The following KMT2A variants were observed in gnomAD, a reference collection of about 807,000 sequenced individuals.
The protein encoded by KMT2A is histone-lysine N-methyltransferase 2A.
A neutral mutation model predicts 345.3 loss-of-function variants in KMT2A; 16 were observed. That is an observed-to-expected ratio of 0.05 (90% CI 0.03 to 0.07). The LOEUF is 0.07. Ranked by LOEUF, KMT2A falls within the 10% of genes least tolerant of loss-of-function variation. The pLI is 1.00. For synonymous variants in KMT2A, 1,599 were observed against 1,778.6 expected (o/e 0.90, Z 2.54); for missense variants, 3,272 against 4,841.6 (o/e 0.68, Z 9.62).
chr11:118,436,635 C>T lies in KMT2A; in HGVS notation c.123C>T (p.Pro41=). ...AACGCGTCCCGGCCCTGCTGCTTCC[C>T]CCCGGGCCCCCGGTCGGCGGTGGCG... The part of the protein sequence containing the change: ...PRQRVPALLL[P]PGPPVGGGGP... The change falls in exon 1 of 36, where the codon CCC becomes CCT. Residue 41 remains proline, a synonymous_variant. Coordinates refer to ENST00000534358, the MANE Select transcript of KMT2A (RefSeq NM_001197104.2). This position sits in a 1 kb window ranked among gnomAD's most constrained non-coding sequence, Gnocchi z 6.9. 1.7e-6 allele frequency: 2 copies of T among 1,153,974 alleles called. No homozygotes were observed. The highest frequency in any genetic ancestry group is 4.2e-5 in the South Asian group (1 of 23,674). The allele number at this position is 1,153,974 out of a possible 1,614,324, so 71.5% of individuals were successfully genotyped here.
intron 4 of KMT2A, 138 bp downstream of exon 4, chr11:118,477,120 G>A: frequency 1.2e-6 from 1 of 805,646 alleles, no homozygotes; most frequent in East Asian, 2.7e-5. Context: ...AAATACATGA[G>A]GATTTTATTA....
At position 118,436,994 on chromosome 11, in the gene KMT2A, C is replaced by CCCTCT. The variant is rs782086527; in HGVS notation, c.432+52_432+53insTCTCC. On this transcript the variant is annotated intron_variant, in intron 1 of 35. Coordinates refer to ENST00000534358, the MANE Select transcript of KMT2A (RefSeq NM_001197104.2). The surrounding 1 kb of genome is among the most constrained non-coding windows in gnomAD (Gnocchi z 6.9). ...TCCGGGGTCTCGACCCTCTGCGGAG[C>CCCTCT]CCCCTCCCCTCCCCCATCCGGGATT... is the stretch of plus-strand genomic sequence containing the variant. 7.3e-6 allele frequency: 10 copies of CCCTCT among 1,372,144 alleles called. No homozygotes were observed. In the East Asian group the frequency reaches 2.1e-4, roughly 28 times the overall value. 85.0% of individuals were successfully genotyped at this position (1,372,144 alleles called of 1,614,324 possible). A position where few individuals can be genotyped will look rare whatever the true frequency, so the allele number is the denominator to read the frequency against.
At chr11:118,468,334 G>C (rs1466857770) in intron 1 of KMT2A, among the ~76,000 whole-genome samples, 3 of 152,168 alleles carry the variant, frequency 2.0e-5, no homozygotes, top group African/African-American at 7.2e-5. Context: ...TAGAAGGCAA[G>C]AGATTATTAT....
At position 118,513,939 on chromosome 11, in the gene KMT2A, A is replaced by G. The variant is rs1185659643; in HGVS notation, c.11146+1914A>G. Among the ~76,000 whole-genome samples, 2 of 142,986 alleles carry G rather than the reference A, an allele frequency of 1.4e-5. 1 individual carries two copies. Among genetic ancestry groups the G allele is most frequent in the Admixed American group, 1.4e-4 (2 of 14,432 alleles). 93.8% of individuals were successfully genotyped at this position (142,986 alleles called of 152,430 possible). On this transcript the variant is annotated intron_variant, in intron 31 of 35. Coordinates refer to ENST00000534358, the MANE Select transcript of KMT2A (RefSeq NM_001197104.2). Reference sequence around the variant, plus strand: ...GGTGACAGAACAAGACCCTGTCTCAAAAAAAAAAAAAAAAAAAAAGAAAAA... The same window carrying G: ...GGTGACAGAACAAGACCCTGTCTCAGAAAAAAAAAAAAAAAAAAAGAAAAA...
rs1056247424 is a variant in KMT2A at position 118,506,020 on chromosome 11, A to G, written c.10128A>G (p.Pro3376=). The G allele has an allele frequency of 3.7e-6, 6 of 1,614,200 alleles. No individual in the cohort carries two copies. Among genetic ancestry groups the G allele is most frequent in the Non-Finnish European group, 5.1e-6 (6 of 1,180,036 alleles). The part of the protein sequence containing the change: ...TLTNPRLLGT[P]DIGSISNLLI... ...CCAACCCAAGGTTGCTTGGTACCCC[A>G]GATATTGGCTCAATAAGCAATCTTT... Residue 3376 remains proline (P), a synonymous_variant, in exon 27 of 36, where the codon CCA becomes CCG. Transcript: ENST00000534358.
chr11:118,472,043 A>C lies in KMT2A; in HGVS notation c.884A>C (p.Lys295Thr). The change falls in exon 3 of 36, where the codon AAG becomes ACG. Residue 295 changes from lysine (K) to threonine (T), a missense_variant. Lys to Thr is a moderately conservative substitution (Grantham distance 78). Coordinates refer to ENST00000534358, the MANE Select transcript of KMT2A (RefSeq NM_001197104.2). ...ACAGGGAAGCTTCAAATAGGAAGGA[A>C]GGGGGTACAAATTGTACGACGGAGA... ...FKTGKLQIGR[K>T]GVQIVRRRGR... 6.2e-7 allele frequency: 1 copy of C among 1,613,682 alleles called. No homozygotes were observed. Among genetic ancestry groups the C allele is most frequent in the Non-Finnish European group, 8.5e-7 (1 of 1,179,936 alleles).
At chr11:118,446,025 G>A (rs1949413707) in intron 1 of KMT2A, among the ~76,000 whole-genome samples, 1 of 151,952 alleles carries the variant, frequency 6.6e-6, no homozygotes, top group Admixed American at 6.6e-5. Flanking sequence ...AAGAAAAAAA[G>A]AAAAGTACAG....
intron 1 of KMT2A, chr11:118,449,318 G>C (rs998540833): frequency 6.6e-6 from 1 of 152,108 alleles, no homozygotes; most frequent in Non-Finnish European, 1.5e-5. Context: ...AGCACTGTGG[G>C]AGGCTGAGGT....
intron 31 of KMT2A, among the ~76,000 whole-genome samples, chr11:118,518,503 G>C (rs1950874294): frequency 6.6e-6 from 1 of 152,140 alleles, no homozygotes; most frequent in Non-Finnish European, 1.5e-5. Context: ...GAGGCTGGCT[G>C]GGTGCTGTGG....
At position 118,498,546 on chromosome 11, in the gene KMT2A, G is replaced by A; in HGVS notation, c.5961+18G>A. On this transcript the variant is annotated intron_variant, in intron 22 of 35. Transcript: ENST00000534358. This position sits in a 1 kb window ranked among gnomAD's most constrained non-coding sequence, Gnocchi z 4.4. ...AAGGCGAAGTGAGAGAGCTTTAGTT[G>A]CTTTAAAAAAAAAAAAAAAGACTTT... The A allele has an allele frequency of 6.5e-7, 1 of 1,531,942 alleles. No individual in the cohort carries two copies. The highest frequency in any genetic ancestry group is 8.7e-7 in the Non-Finnish European group (1 of 1,144,900). 94.9% of individuals were successfully genotyped at this position (1,531,942 alleles called of 1,614,324 possible). A position where few individuals can be genotyped will look rare whatever the true frequency, so the allele number is the denominator to read the frequency against.
chr11:118,437,527 T>TCACCTCCACCCTC (rs1949216157), intron 1 of KMT2A, among the ~76,000 whole-genome samples: 1 of 144,444 alleles, frequency 6.9e-6, no homozygotes, highest in Non-Finnish European at 1.5e-5. Flanking sequence ...CCCCCTTCCT[T>TCACCTCCACCCTC]CACCTCCACC....
chr11:118,438,509 T>G (rs1949246899), intron 1 of KMT2A, among the ~76,000 whole-genome samples: 43 of 119,786 alleles, frequency 3.6e-4, no homozygotes, highest in South Asian at 1.3e-3. Context: ...CGAAGGGGGG[T>G]AGGGGGTTGC....
At position 118,504,403 on chromosome 11, in the gene KMT2A, C is replaced by T. The variant is rs1555047242; in HGVS notation, c.8511C>T (p.Asp2837=). The change falls in exon 27 of 36, where the codon GAC becomes GAT. Residue 2837 remains aspartate (D), a synonymous_variant. Coordinates refer to ENST00000534358, the MANE Select transcript of KMT2A (RefSeq NM_001197104.2). This position sits in a 1 kb window ranked among gnomAD's most constrained non-coding sequence, Gnocchi z 6.4. ...CTGAGCTCCTGAAATCAGATTCAGA[C>T]AATAACAACAGTGATGACTGTGGGA... ...YNTELLKSDS[D]NNNSDDCGNI... 9 of 1,614,100 alleles carry T rather than the reference C, an allele frequency of 5.6e-6. No individual in the cohort carries two copies. The highest frequency in any genetic ancestry group is 1.7e-5 in the Admixed American group (1 of 60,018).
At position 118,481,987 on chromosome 11, in the gene KMT2A, C is replaced by G. The variant is rs782491835; in HGVS notation, c.3907C>G (p.Leu1303Val). 53 of 1,614,082 alleles carry G rather than the reference C, an allele frequency of 3.3e-5. No homozygotes were observed. The highest frequency in any genetic ancestry group is 3.3e-4 in the Middle Eastern group (2 of 6,084). The change falls in exon 7 of 36, where the codon CTG (leucine) becomes GTG (valine). Residue 1303 changes from leucine (L) to valine (V), a missense_variant. Transcript: ENST00000534358. ...KSSKQVSQPA[L>V]VIPPQPPTTG... ...AAGCAAGCAGGTCTCCCAGCCAGCA[C>G]TGGTCATCCCGCCTCAGCCACCTAC...
In KMT2A at chr11:118,476,691, G is replaced by A; in HGVS notation, c.3157-114G>A. 1 of 780,310 alleles carries A rather than the reference G, an allele frequency of 1.3e-6. No individual in the cohort carries two copies. Among genetic ancestry groups the A allele is most frequent in the South Asian group, 2.0e-5 (1 of 51,018 alleles). The allele number at this position is 780,310 out of a possible 1,614,324, so 48.3% of individuals were successfully genotyped here. A position where few individuals can be genotyped will look rare whatever the true frequency, so the allele number is the denominator to read the frequency against. On this transcript the variant is annotated intron_variant, in intron 3 of 35. Coordinates refer to ENST00000534358, the MANE Select transcript of KMT2A (RefSeq NM_001197104.2). This position sits in a 1 kb window ranked among gnomAD's most constrained non-coding sequence, Gnocchi z 4.1. ...GATTTATCAGCTGGGAATAATTAGA[G>A]TTGTGTGTTTTGATTCTAAATCATA...
intron 28 of KMT2A, 195 bp downstream of exon 28, chr11:118,507,804 A>G: frequency 2.0e-6 from 1 of 512,816 alleles, no homozygotes; most frequent in Non-Finnish European, 3.5e-6. Flanking sequence ...TACTAAAAAT[A>G]CAAAAAGAAT....
intron 1 of KMT2A, among the ~76,000 whole-genome samples, chr11:118,466,321 A>G (rs1303487431): frequency 6.6e-6 from 1 of 152,126 alleles, no homozygotes; most frequent in Non-Finnish European, 1.5e-5. Flanking sequence ...CAGAGTGAGC[A>G]CTGGCAAATT....
At chr11:118,470,579 C>G (rs1363449339) in intron 2 of KMT2A, among the ~76,000 whole-genome samples, 1 of 152,152 alleles carries the variant, frequency 6.6e-6, no homozygotes, top group Non-Finnish European at 1.5e-5. Context: ...AATCCTTAAT[C>G]TATTAAAGGA....
Position 118,495,838 on chromosome 11 carries a change from T to C in KMT2A, c.5502T>C (p.Gly1834=), listed in dbSNP as rs1950400180. ...TCATTCCAGCTCCCAAACCCAAAGGTCCTGGAGAACCAGACTCACCAACTC... is the reference window on the plus strand; with the variant it reads ...TCATTCCAGCTCCCAAACCCAAAGGCCCTGGAGAACCAGACTCACCAACTC... ...KKIIPAPKPK[G]PGEPDSPTPL... The change falls in exon 19 of 36, where the codon GGT becomes GGC. Residue 1834 remains glycine (G), a synonymous_variant. Coordinates refer to ENST00000534358, the MANE Select transcript of KMT2A (RefSeq NM_001197104.2). The surrounding 1 kb of genome is among the most constrained non-coding windows in gnomAD (Gnocchi z 4.1). 6.2e-7 allele frequency: 1 copy of C among 1,614,054 alleles called. No individual in the cohort carries two copies.
Sources: gnomAD v4.1 joint callset for allele counts (sites outside exome capture counted in the v4.1 genomes callset) on GRCh38, gnomAD v4.1.1 for gene constraint, Gnocchi (gnomAD v3.1) non-coding constraint, MANE v1.5 for transcripts, NCBI Gene and HGNC (gene_info 2026-07-23, HGNC 2026-07-21) for gene names.